MED12L: variants seen among roughly 807,000 people sequenced by gnomAD.
MED12L encodes mediator complex subunit 12L.
A neutral mutation model predicts 281.3 loss-of-function variants in MED12L; 60 were observed. The observed-to-expected ratio is 0.21, with a 90% CI of 0.17 to 0.26. The LOEUF is 0.26. MED12L is among the 10% of genes least tolerant of loss of function. MED12L has a pLI of 1.00. For synonymous variants in MED12L, 974 were observed against 987.2 expected, an observed-to-expected ratio of 0.99 and a Z score of 0.25; for missense variants, 2,146 against 2,680.9, an observed-to-expected ratio of 0.80 and a Z score of 4.41.
At chr3:151,257,105 A>G (rs542823069) in intron 16 of MED12L, among the ~76,000 whole-genome samples, 1 of 152,246 alleles carries the variant, frequency 6.6e-6, no homozygotes, top group African/African-American at 2.4e-5. Context: ...AATGCTTATG[A>G]GAGATTTTAG....
chr3:151,172,516 A>G (rs1298213908), intron 11 of MED12L, among the ~76,000 whole-genome samples: 2 of 152,242 alleles, frequency 1.3e-5, no homozygotes, highest in Non-Finnish European at 2.9e-5. Flanking sequence ...AGGCACAGCC[A>G]GGATCTTTTG....
intron 16 of MED12L, among the ~76,000 whole-genome samples, chr3:151,296,802 C>A (rs992604418): frequency 3.3e-5 from 5 of 151,928 alleles, no homozygotes; most frequent in African/African-American, 1.2e-4. Context: ...TTTTACTTCC[C>A]TGTAATTAAT....
Position 151,416,314 on chromosome 3 carries a change from GCAGCAGCCC to G in MED12L, c.6314_6322del (p.Gln2105_Gln2107del), listed in dbSNP as rs773934383. On this transcript the variant is annotated inframe_deletion, in exon 43 of 45. Transcript: ENST00000687756. The stretch of plus-strand genomic sequence containing the variant: ...TAACATTTTTACCCTCTTTCCAGAT[GCAGCAGCCC>G]CAGCAGCCCCAGCCCCAGCAGCCTC... 68 of 1,612,916 alleles carry G rather than the reference GCAGCAGCCC, an allele frequency of 4.2e-5. No homozygotes were observed. The highest frequency in any genetic ancestry group is 5.2e-5 in the Non-Finnish European group (61 of 1,179,846).
chr3:151,162,052 G>C (rs1434448110), intron 8 of MED12L, among the ~76,000 whole-genome samples: 2 of 152,120 alleles, frequency 1.3e-5, no homozygotes, highest in Admixed American at 6.5e-5. Context: ...GAAGAGAAGA[G>C]AATGGATAAT....
intron 16 of MED12L, among the ~76,000 whole-genome samples, chr3:151,227,404 G>C (rs1027178260): frequency 3.3e-5 from 5 of 151,898 alleles, no homozygotes; most frequent in South Asian, 2.1e-4. Context: ...TCTTGATTAT[G>C]TGTGAGAATG....
intron 8 of MED12L, among the ~76,000 whole-genome samples, chr3:151,162,877 C>G (rs1720181544): frequency 6.6e-6 from 1 of 152,152 alleles, no homozygotes; most frequent in African/African-American, 2.4e-5. Flanking sequence ...TAACGGTGAC[C>G]TTGAGCCTCT....
At chr3:151,425,182 C>A (rs1365768891) in intron 43 of MED12L, among the ~76,000 whole-genome samples, 2 of 152,220 alleles carry the variant, frequency 1.3e-5, no homozygotes, top group African/African-American at 4.8e-5. Context: ...ATTACTGAAT[C>A]AGTCCTGCAG....
chr3:151,328,842 T>C (rs774813657), intron 16 of MED12L: 7 of 1,614,006 alleles, frequency 4.3e-6, no homozygotes, highest in Non-Finnish European at 5.9e-6. Flanking sequence ...GAGCTGGGGA[T>C]GTGAACAAAC....
At chr3:151,270,893 C>T (rs1487954233) in intron 16 of MED12L, among the ~76,000 whole-genome samples, 1 of 151,878 alleles carries the variant, frequency 6.6e-6, no homozygotes, top group African/African-American at 2.4e-5. Flanking sequence ...ACTTTTGTAC[C>T]TGTCTATTTT....
At chr3:151,231,352 CT>C (rs1317805266) in intron 16 of MED12L, among the ~76,000 whole-genome samples, 2 of 152,198 alleles carry the variant, frequency 1.3e-5, no homozygotes, top group East Asian at 3.8e-4. Flanking sequence ...TGAAAACATA[CT>C]CCCCCATCAT....
chr3:151,436,160 T>A lies in MED12L; in HGVS notation c.*3356T>A, dbSNP rs575126286. On this transcript the variant is annotated 3_prime_UTR_variant, in exon 45 of 45. Transcript: ENST00000687756. ...TTGTATTCCCCATCAATGAAAATTT[T>A]CAGTGTGAACAAATGGTGAATCATA... 6.6e-6 allele frequency: 1 copy of A among 152,396 alleles called. No homozygotes were observed. Among genetic ancestry groups the A allele is most frequent in the African/African-American group, 2.4e-5 (1 of 41,570 alleles). 9.4% of individuals were successfully genotyped at this position (152,396 alleles called of 1,614,324 possible). A position where few individuals can be genotyped will look rare whatever the true frequency, so the allele number is the denominator to read the frequency against.
intron 2 of MED12L, among the ~76,000 whole-genome samples, chr3:151,099,927 G>A (rs540564335): frequency 6.6e-5 from 10 of 152,234 alleles, no homozygotes; most frequent in African/African-American, 2.2e-4. Context: ...AAGTTTCTAG[G>A]GATAGACTTC....
At chr3:151,126,629 A>G (rs1714568594) in intron 4 of MED12L, among the ~76,000 whole-genome samples, 1 of 152,160 alleles carries the variant, frequency 6.6e-6, no homozygotes, top group Non-Finnish European at 1.5e-5. Flanking sequence ...TGAAGCCTTG[A>G]TTTTCACAAA....
At chr3:151,115,058 T>C (rs1341390095) in intron 2 of MED12L, among the ~76,000 whole-genome samples, 1 of 152,242 alleles carries the variant, frequency 6.6e-6, no homozygotes, top group Admixed American at 6.5e-5. Flanking sequence ...ACATACCTAC[T>C]GTCTCCCTTG....
intron 39 of MED12L, among the ~76,000 whole-genome samples, chr3:151,405,537 C>G (rs1716196969): frequency 6.6e-6 from 1 of 152,094 alleles, no homozygotes; most frequent in Non-Finnish European, 1.5e-5. Context: ...TTTAGGAGGC[C>G]AAGGTTGGAG....
chr3:151,152,709 G>A (rs1016376923), intron 5 of MED12L, among the ~76,000 whole-genome samples: 3 of 152,190 alleles, frequency 2.0e-5, no homozygotes, highest in African/African-American at 7.2e-5. Flanking sequence ...TTTAAAATGA[G>A]ATTGAGATTT....
At chr3:151,329,493 A>C in intron 16 of MED12L, 1 of 1,546,424 alleles carries the variant, frequency 6.5e-7, no homozygotes, top group East Asian at 2.5e-5. Flanking sequence ...TTGGGAGGAT[A>C]CTCAGTTCTC....
At chr3:151,240,426 G>A (rs1733842967) in intron 16 of MED12L, among the ~76,000 whole-genome samples, 1 of 152,178 alleles carries the variant, frequency 6.6e-6, no homozygotes, top group Non-Finnish European at 1.5e-5. Flanking sequence ...CATTTTAATT[G>A]AATAGCTGCT....
At chr3:151,165,800 T>G in intron 10 of MED12L, 46 bp from the exon 11 acceptor site, 1 of 1,580,472 alleles carries the variant, frequency 6.3e-7, no homozygotes, top group Non-Finnish European at 8.6e-7. Flanking sequence ...GTTATAACTG[T>G]GTTATTTTTG....
Sources: gnomAD v4.1 joint callset for allele counts (sites outside exome capture counted in the v4.1 genomes callset) on GRCh38, gnomAD v4.1.1 for gene constraint, MANE v1.5 for transcripts, NCBI Gene and HGNC (gene_info 2026-07-23, HGNC 2026-07-21) for gene names.